SLC25A21: variants seen among roughly 807,000 people sequenced by gnomAD.
SLC25A21 encodes the protein mitochondrial 2-oxodicarboxylate carrier.
A neutral mutation model predicts 43.8 loss-of-function variants in SLC25A21; 47 were observed. The ratio of observed to expected loss-of-function variants is 1.07; its 90% CI spans 0.85 to 1.37. The LOEUF (loss-of-function observed/expected upper bound fraction) is 1.37. Ranked by LOEUF, SLC25A21 falls within the 40% of genes most tolerant of loss-of-function variation. The pLI is 0.00. For missense variants in SLC25A21, 352 were observed against 350.2 expected, an observed-to-expected ratio of 1.00 and a Z score of -0.04; for synonymous variants, 131 against 121.3, an observed-to-expected ratio of 1.08 and a Z score of -0.52.
intron 7 of SLC25A21, among the ~76,000 whole-genome samples, chr14:36,707,893 G>A (rs1883648303): frequency 6.6e-6 from 1 of 152,192 alleles, no homozygotes; most frequent in African/African-American, 2.4e-5. Context: ...GGAAGGCTGA[G>A]GTGGGAGGAT....
chr14:36,840,327 A>G (rs1889346730), intron 2 of SLC25A21, among the ~76,000 whole-genome samples: 2 of 152,206 alleles, frequency 1.3e-5, no homozygotes, highest in Non-Finnish European at 2.9e-5. Flanking sequence ...TCCAATTGAA[A>G]ACAAAAAGAA....
chr14:37,171,365 T>A (rs545011066), intron 1 of SLC25A21, among the ~76,000 whole-genome samples: 1 of 152,198 alleles, frequency 6.6e-6, no homozygotes, highest in South Asian at 2.1e-4. Context: ...TACAGAAACT[T>A]TTACTAGTCG....
rs948490114 is a variant in SLC25A21, at chr14:36,842,382, G to A, written c.120-28381C>T. 2.4e-4 allele frequency among the ~76,000 whole-genome samples: 37 copies of A among 152,158 alleles called. 1 individual carries two copies. The highest frequency in any genetic ancestry group is 2.0e-3 in the Admixed American group (31 of 15,280). ...ACTTTAGAGGGGCTGATTCAGCTGA[G>A]AGACATGTTCTTTTTGCCCTGCCTG... On this transcript the variant is annotated intron_variant, in intron 2 of 9. Transcript: ENST00000331299.
chr14:36,913,525 C>T (rs1891746374), intron 1 of SLC25A21, among the ~76,000 whole-genome samples: 1 of 152,178 alleles, frequency 6.6e-6, no homozygotes, highest in African/African-American at 2.4e-5. Flanking sequence ...ATCTTCCTGC[C>T]TCAGCCTCCC....
chr14:36,831,410 TG>T (rs1368173993), intron 2 of SLC25A21, among the ~76,000 whole-genome samples: 1 of 152,202 alleles, frequency 6.6e-6, no homozygotes, highest in African/African-American at 2.4e-5. Context: ...TAAAACTATA[TG>T]TATGATTCAC....
chr14:37,015,690 C>T (rs1489987957), intron 1 of SLC25A21, among the ~76,000 whole-genome samples: 1 of 151,646 alleles, frequency 6.6e-6, no homozygotes, highest in Non-Finnish European at 1.5e-5. Context: ...TCTCCACATC[C>T]TCTCCAGCAC....
intron 1 of SLC25A21, among the ~76,000 whole-genome samples, chr14:36,989,936 A>C (rs1157188146): frequency 6.6e-6 from 1 of 152,196 alleles, no homozygotes; most frequent in Non-Finnish European, 1.5e-5. Context: ...CCAAGAAAAA[A>C]ATCATCATTG....
intron 1 of SLC25A21, among the ~76,000 whole-genome samples, chr14:36,891,743 G>A (rs577700992): frequency 3.7e-4 from 56 of 152,186 alleles, no homozygotes; most frequent in Non-Finnish European, 5.6e-4. Flanking sequence ...GAGGCAGAGC[G>A]CGTAAGACTA....
intron 3 of SLC25A21, among the ~76,000 whole-genome samples, chr14:36,764,180 GAAAGAAAGAAAGAGA>G (rs1191072827): frequency 1.3e-5 from 1 of 78,528 alleles, no homozygotes; most frequent in African/African-American, 6.6e-5. Flanking sequence ...AAGAAAGAAA[GAAAGAAAGAAAGAGA>G]AAGAAAGAAA....
At chr14:37,156,319 AAATT>A (rs1566919532) in intron 1 of SLC25A21, among the ~76,000 whole-genome samples, 1 of 152,158 alleles carries the variant, frequency 6.6e-6, no homozygotes, top group Non-Finnish European at 1.5e-5. Flanking sequence ...TGGGAAAATA[AAATT>A]AATTAATTAA....
chr14:37,024,106 A>G (rs898830727), intron 1 of SLC25A21, among the ~76,000 whole-genome samples: 26 of 152,136 alleles, frequency 1.7e-4, no homozygotes, highest in African/African-American at 6.3e-4. Flanking sequence ...AAAAAATGCG[A>G]ATTTGGACAA....
At chr14:36,878,441 G>C (rs183386761) in intron 1 of SLC25A21, among the ~76,000 whole-genome samples, 84 of 152,282 alleles carry the variant, frequency 5.5e-4, no homozygotes, top group Non-Finnish European at 9.4e-4. Context: ...TCAGAGTTCA[G>C]AGTTAAATCT....
chr14:36,753,941 GAGA>G (rs1296151070), intron 3 of SLC25A21, among the ~76,000 whole-genome samples: 1 of 148,284 alleles, frequency 6.7e-6, no homozygotes, highest in African/African-American at 2.6e-5. Context: ...GAGAGAGAGA[GAGA>G]GAGAGAGAGA....
intron 1 of SLC25A21, among the ~76,000 whole-genome samples, chr14:37,002,702 A>G (rs1172508657): frequency 2.6e-5 from 4 of 152,114 alleles, no homozygotes; most frequent in African/African-American, 9.7e-5. Context: ...ACATTCAGGT[A>G]AAATGATTAC....
At chr14:36,726,561 G>A (rs1884609696) in intron 5 of SLC25A21, among the ~76,000 whole-genome samples, 1 of 152,224 alleles carries the variant, frequency 6.6e-6, no homozygotes, top group Non-Finnish European at 1.5e-5. Context: ...GTGACTGTAT[G>A]TCAAGTTCTT....
At chr14:37,151,484 G>C (rs1963757761) in intron 1 of SLC25A21, among the ~76,000 whole-genome samples, 1 of 152,160 alleles carries the variant, frequency 6.6e-6, no homozygotes, top group Non-Finnish European at 1.5e-5. Flanking sequence ...ATGGACTTTT[G>C]TACAAGGGCA....
At chr14:37,172,259 G>A in intron 1 of SLC25A21, 22 bp downstream of exon 1, 2 of 1,575,152 alleles carry the variant, frequency 1.3e-6, no homozygotes, top group Non-Finnish European at 1.7e-6. Flanking sequence ...GCCTCCGGCG[G>A]GGCAGGGCGG....
intron 3 of SLC25A21, among the ~76,000 whole-genome samples, chr14:36,747,797 T>C (rs759104372): frequency 1.3e-5 from 2 of 152,144 alleles, no homozygotes; most frequent in Non-Finnish European, 2.9e-5. Flanking sequence ...AAGCAGCTCT[T>C]CCATTGTCCC....
chr14:36,991,982 C>T (rs150183794), intron 1 of SLC25A21, among the ~76,000 whole-genome samples: 2 of 152,308 alleles, frequency 1.3e-5, no homozygotes, highest in East Asian at 1.9e-4. Flanking sequence ...GTTCTACAGA[C>T]GTGTTACAGT....
Sources: gnomAD v4.1 joint callset for allele counts (sites outside exome capture counted in the v4.1 genomes callset) on GRCh38, gnomAD v4.1.1 for gene constraint, MANE v1.5 for transcripts, NCBI Gene and HGNC (gene_info 2026-07-23, HGNC 2026-07-21) for gene names.